KIAA1217: variants seen among roughly 807,000 people sequenced by gnomAD.
KIAA1217 encodes KIAA1217, also known as sickle tail protein homolog.
A neutral mutation model predicts 163.9 loss-of-function variants in KIAA1217; 88 were observed. That is an observed-to-expected ratio of 0.54 (90% confidence interval 0.45 to 0.64). The LOEUF is 0.64. Among genes scored for constraint, KIAA1217 ranks in the 30% least tolerant of loss-of-function variants. The pLI, the probability that KIAA1217 is intolerant of heterozygous loss-of-function variation, is 0.00. For missense variants in KIAA1217, 2,372 were observed against 2,475.0 expected (o/e 0.96, Z 0.88); for synonymous variants, 903 against 923.1 (o/e 0.98, Z 0.39).
In KIAA1217 at chr10:24,030,137, G is replaced by T. The variant is rs1339837981; in HGVS notation, c.-171+22763G>T. On this transcript the variant is annotated intron_variant, in intron 2 of 18. Coordinates refer to the KIAA1217 transcript ENST00000376462. ...ATGAATTCAAATAATTTATCATTGTGATAAAATAGGCATAACATAAAATTC... is the reference window on the plus strand; with the variant it reads ...ATGAATTCAAATAATTTATCATTGTTATAAAATAGGCATAACATAAAATTC... 2.0e-5 allele frequency among the ~76,000 whole-genome samples: 3 copies of T among 152,142 alleles called. No homozygotes were observed. The East Asian group carries it at 5.8e-4, about 29-fold the overall frequency.
At chr10:23,834,921 A>C (rs1200644416) in intron 1 of KIAA1217, among the ~76,000 whole-genome samples, 1 of 152,162 alleles carries the variant, frequency 6.6e-6, no homozygotes. Context: ...TAAACATTCA[A>C]ATCACTGTTT....
intron 1 of KIAA1217, among the ~76,000 whole-genome samples, chr10:23,988,455 T>C (rs150924952): frequency 0.022 from 3,353 of 152,360 alleles, 47 homozygotes; most frequent in Middle Eastern, 0.071. Context: ...TCAACATTTC[T>C]TTAATCATTG....
intron 2 of KIAA1217, among the ~76,000 whole-genome samples, chr10:24,150,230 T>C (rs1201987429): frequency 6.6e-6 from 1 of 152,180 alleles, no homozygotes; most frequent in East Asian, 1.9e-4. Flanking sequence ...TTGGCCAGGC[T>C]GGTCTTGAAC....
intron 2 of KIAA1217, among the ~76,000 whole-genome samples, chr10:24,378,778 T>C (rs2052884426): frequency 6.6e-6 from 1 of 152,160 alleles, no homozygotes; most frequent in African/African-American, 2.4e-5. Flanking sequence ...AGACTGCTAA[T>C]ATGTAGTGAT....
intron 1 of KIAA1217, among the ~76,000 whole-genome samples, chr10:23,943,100 G>A (rs890452456): frequency 6.6e-6 from 1 of 151,888 alleles, no homozygotes; most frequent in Non-Finnish European, 1.5e-5. Context: ...AATTTAGCCT[G>A]GTGTCAGAGT....
At chr10:24,208,014 C>T (rs1291189431), upstream of KIAA1217, among the ~76,000 whole-genome samples, 2 of 151,134 alleles carry the variant, frequency 1.3e-5, no homozygotes, top group Non-Finnish European at 1.5e-5. Flanking sequence ...CCTCCTGTGA[C>T]GGGGCTACTA....
chr10:23,899,375 G>T (rs547059974), intron 1 of KIAA1217, among the ~76,000 whole-genome samples: 150 of 152,160 alleles, frequency 9.9e-4, no homozygotes, highest in African/African-American at 3.5e-3. Context: ...GTGTGAAATA[G>T]TATCTCATTG....
chr10:24,147,578 C>G (rs1278955279), intron 2 of KIAA1217, among the ~76,000 whole-genome samples: 2 of 151,980 alleles, frequency 1.3e-5, no homozygotes, highest in Admixed American at 1.3e-4. Flanking sequence ...CACGGTGGCT[C>G]ATGCCTGTAA....
intron 1 of KIAA1217, among the ~76,000 whole-genome samples, chr10:23,872,808 T>G (rs1347892809): frequency 2.6e-5 from 4 of 152,026 alleles, no homozygotes; most frequent in Non-Finnish European, 5.9e-5. Context: ...ATACACTTAA[T>G]TTTTAGAATA....
intron 2 of KIAA1217, among the ~76,000 whole-genome samples, chr10:24,285,868 A>G (rs1404056490): frequency 2.0e-5 from 3 of 152,062 alleles, no homozygotes; most frequent in Admixed American, 2.0e-4. Context: ...GTTGTCCATG[A>G]TTTCTTTCAG....
In KIAA1217 at chr10:23,790,177, GCATATACA is replaced by G. The variant is rs1415426270; in HGVS notation, c.-321+94957_-321+94964del. 5.5e-4 allele frequency among the ~76,000 whole-genome samples: 28 copies of G among 50,708 alleles called. 2 individuals are homozygous for G. The highest frequency in any genetic ancestry group is 6.8e-4 in the Non-Finnish European group (20 of 29,496). 33.3% of individuals were successfully genotyped at this position (50,708 alleles called of 152,430 possible). Reference sequence around the variant, plus strand: ...TATGCATATACACATATACACATATGCATATACACATATACACATATGCATATACACAT... The same window carrying G: ...TATGCATATACACATATACACATATGCATATACACATATGCATATACACAT... On this transcript the variant is annotated intron_variant, in intron 1 of 18. Coordinates refer to the KIAA1217 transcript ENST00000376462.
intron 2 of KIAA1217, among the ~76,000 whole-genome samples, chr10:24,112,866 G>A (rs530961375): frequency 2.6e-5 from 4 of 152,216 alleles, no homozygotes; most frequent in South Asian, 2.1e-4. Context: ...GATTACAGGC[G>A]TGAGCCACCA....
intron 3 of KIAA1217, among the ~76,000 whole-genome samples, chr10:24,428,718 A>G (rs1295451658): frequency 6.6e-6 from 1 of 150,700 alleles, no homozygotes; most frequent in Non-Finnish European, 1.5e-5. Context: ...GAAAACAACA[A>G]CAAACTTAAA....
At chr10:24,541,026 C>T (rs1229028205) in intron 17 of KIAA1217, among the ~76,000 whole-genome samples, 1 of 151,952 alleles carries the variant, frequency 6.6e-6, no homozygotes, top group Non-Finnish European at 1.5e-5. Context: ...ACCTTAGCCT[C>T]CCAAAGTTCT....
At chr10:24,315,543 C>T (rs1344857762) in intron 2 of KIAA1217, among the ~76,000 whole-genome samples, 2 of 152,124 alleles carry the variant, frequency 1.3e-5, no homozygotes, top group Non-Finnish European at 2.9e-5. Flanking sequence ...AGCCCATCAA[C>T]CGGACCTCCC....
chr10:24,188,234 CTG>C (rs1419605512), intron 2 of KIAA1217, among the ~76,000 whole-genome samples: 4 of 152,110 alleles, frequency 2.6e-5, no homozygotes, highest in African/African-American at 7.2e-5. Flanking sequence ...ACCATAATAT[CTG>C]TGTTTGTTTT....
At chr10:24,009,610 G>A (rs1445123532) in intron 2 of KIAA1217, among the ~76,000 whole-genome samples, 3 of 152,116 alleles carry the variant, frequency 2.0e-5, no homozygotes, top group Non-Finnish European at 4.4e-5. Context: ...TCACAACCAT[G>A]CATGGGGTTG....
At chr10:23,782,945 C>A (rs1283388207) in intron 1 of KIAA1217, among the ~76,000 whole-genome samples, 1 of 152,092 alleles carries the variant, frequency 6.6e-6, no homozygotes, top group Non-Finnish European at 1.5e-5. Context: ...CAGTTTTCCC[C>A]CATTAATTAT....
chr10:24,158,206 A>G, intron 2 of KIAA1217: 1 of 737,402 alleles, frequency 1.4e-6, no homozygotes, highest in Admixed American at 1.7e-5. Context: ...TACTGGAGTT[A>G]CATCTACTCC....
Sources: allele counts gnomAD v4.1 joint callset (sites outside exome capture counted in the v4.1 genomes callset), GRCh38; gene constraint gnomAD v4.1.1; transcripts MANE v1.5; gene names NCBI Gene and HGNC (gene_info 2026-07-23, HGNC 2026-07-21).